Variants in PLEKHA2 observed in about 807,000 individuals in gnomAD.
PLEKHA2 encodes pleckstrin homology domain containing A2.
In PLEKHA2, 28 loss-of-function variants were observed where a neutral mutation model predicts 53.2. That is an observed-to-expected ratio of 0.53 (90% CI 0.39 to 0.72). The LOEUF is 0.72. PLEKHA2 is among the 30% of genes least tolerant of loss of function. The pLI, the probability that PLEKHA2 is intolerant of heterozygous loss-of-function variation, is 0.00. For missense variants in PLEKHA2, 426 were observed against 537.9 expected, an observed-to-expected ratio of 0.79 and a Z score of 2.06; for synonymous variants, 193 against 196.4, an observed-to-expected ratio of 0.98 and a Z score of 0.14.
intron 2 of PLEKHA2, among the ~76,000 whole-genome samples, chr8:38,927,688 T>C (rs1165010937): frequency 6.6e-6 from 1 of 152,232 alleles, no homozygotes; most frequent in Non-Finnish European, 1.5e-5. Context: ...ATCCATTTTT[T>C]GAGCCTCCTG....
intron 10 of PLEKHA2, among the ~76,000 whole-genome samples, chr8:38,965,735 G>A (rs1316110065): frequency 6.6e-6 from 1 of 152,096 alleles, no homozygotes; most frequent in Non-Finnish European, 1.5e-5. Flanking sequence ...TTATGGAGAG[G>A]GCAATGCGCT....
At position 38,950,854 on chromosome 8, in the gene PLEKHA2, C is replaced by T; in HGVS notation, c.350C>T (p.Pro117Leu). 1 of 1,613,050 alleles carries T rather than the reference C, an allele frequency of 6.2e-7. No homozygotes were observed. The highest frequency in any genetic ancestry group is 8.5e-7 in the Non-Finnish European group (1 of 1,179,340). The change falls in exon 6 of 12, where the codon CCC (proline) becomes CTC (leucine). Residue 117 changes from proline to leucine, a missense_variant. Physicochemically the swap from Pro to Leu is moderately conservative, Grantham distance 98. Transcript: ENST00000617275. The part of the protein sequence containing the change: ...ALNQASKITV[P>L]KGGGLPMTTE... The stretch of plus-strand genomic sequence containing the variant: ...TGTTGCTGCCGCTCACCCCAGGTTC[C>T]CAAAGGTGGGGGCCTACCCATGACC...
chr8:38,943,680 T>G, intron 3 of PLEKHA2, 109 bp from the exon 4 acceptor site: 1 of 780,788 alleles, frequency 1.3e-6, no homozygotes, highest in Non-Finnish European at 2.0e-6. Context: ...TTTTTAAAAA[T>G]GTAGACATAT....
At chr8:38,917,145 T>C (rs1337281608) in intron 1 of PLEKHA2, among the ~76,000 whole-genome samples, 3 of 152,344 alleles carry the variant, frequency 2.0e-5, no homozygotes, top group Non-Finnish European at 4.4e-5. Flanking sequence ...CCTATAAAGT[T>C]GTTTGAGCTC....
chr8:38,932,554 C>T (rs1834413436), intron 2 of PLEKHA2, among the ~76,000 whole-genome samples: 1 of 152,162 alleles, frequency 6.6e-6, no homozygotes, highest in East Asian at 1.9e-4. Context: ...GTTTCTTGGC[C>T]TTCCTGCCCT....
Position 38,922,404 on chromosome 8 carries a change from A to C in PLEKHA2, c.141+4334A>C, listed in dbSNP as rs1040346220. 5.3e-5 allele frequency among the ~76,000 whole-genome samples: 8 copies of C among 152,210 alleles called. No homozygotes were observed. Among genetic ancestry groups the C allele is most frequent in the Admixed American group, 2.0e-4 (3 of 15,282 alleles). On this transcript the variant is annotated intron_variant, in intron 2 of 11. Transcript: ENST00000617275. The surrounding 1 kb of genome is among the most constrained non-coding windows in gnomAD (Gnocchi z 4.0). ...GAAGGAAGTGGTCAGAAGTCAGGTCACTGGGGAATGTGGAGTGCCCAACAT... is the reference window on the plus strand; with the variant it reads ...GAAGGAAGTGGTCAGAAGTCAGGTCCCTGGGGAATGTGGAGTGCCCAACAT...
rs1834213588 is a variant in PLEKHA2, at chr8:38,922,638, A to G, written c.141+4568A>G. ...TAATAAGCAGAAGATTTTTGGACCC[A>G]GGTCTCCGATCTTTGTGTGTTGAAG... is the stretch of plus-strand genomic sequence containing the variant. On this transcript the variant is annotated intron_variant, in intron 2 of 11. Transcript: ENST00000617275. This position sits in a 1 kb window ranked among gnomAD's most constrained non-coding sequence, Gnocchi z 4.0. Among the ~76,000 whole-genome samples the G allele has an allele frequency of 6.6e-6, 1 of 152,220 alleles. No homozygotes were observed. Among genetic ancestry groups the G allele is most frequent in the Non-Finnish European group, 1.5e-5 (1 of 68,042 alleles).
At chr8:38,914,773 G>A (rs1243713020) in intron 1 of PLEKHA2, among the ~76,000 whole-genome samples, 2 of 152,166 alleles carry the variant, frequency 1.3e-5, no homozygotes, top group Non-Finnish European at 2.9e-5. Flanking sequence ...TAGAGCTCTC[G>A]CCCTTCCCTT....
intron 1 of PLEKHA2, among the ~76,000 whole-genome samples, chr8:38,902,529 A>G (rs62503457): frequency 0.16 from 23,692 of 152,182 alleles, 2,218 homozygotes; most frequent in South Asian, 0.24. Flanking sequence ...CCAGAAAGCC[A>G]GCTGTGGCTC....
intron 2 of PLEKHA2, among the ~76,000 whole-genome samples, chr8:38,927,074 G>A (rs374345408): frequency 4.1e-4 from 62 of 152,354 alleles, no homozygotes; most frequent in South Asian, 6.2e-4. Context: ...CAAAACCATA[G>A]TGATGACTAT....
chr8:38,943,883 A>G, intron 4 of PLEKHA2, 46 bp downstream of exon 4: 3 of 1,478,272 alleles, frequency 2.0e-6, no homozygotes, highest in Non-Finnish European at 2.8e-6. Context: ...TTGACATGGC[A>G]ACTTCCTCTT....
At chr8:38,961,458 A>T (rs1287147422) in intron 10 of PLEKHA2, among the ~76,000 whole-genome samples, 2 of 151,900 alleles carry the variant, frequency 1.3e-5, no homozygotes, top group East Asian at 3.9e-4. Flanking sequence ...AATCTCTTGA[A>T]CCCAGGGGGC....
At chr8:38,954,111 G>A (rs73615998) in intron 9 of PLEKHA2, among the ~76,000 whole-genome samples, 1 of 152,200 alleles carries the variant, frequency 6.6e-6, no homozygotes, top group Non-Finnish European at 1.5e-5. Context: ...GTGTCCCTCC[G>A]TCTCATGGCT....
chr8:38,948,085 CAA>C (rs386412587), intron 5 of PLEKHA2, among the ~76,000 whole-genome samples: 46 of 119,026 alleles, frequency 3.9e-4, no homozygotes, highest in Middle Eastern at 4.6e-3. Flanking sequence ...GACTCCATCT[CAA>C]AAAAAAAAAA....
At chr8:38,955,093 A>G (rs1293382039) in intron 9 of PLEKHA2, among the ~76,000 whole-genome samples, 1 of 152,174 alleles carries the variant, frequency 6.6e-6, no homozygotes, top group Admixed American at 6.5e-5. Flanking sequence ...TTGGGGGAAC[A>G]GGTGGTGTTT....
At chr8:38,950,137 G>T (rs1472963933) in intron 5 of PLEKHA2, among the ~76,000 whole-genome samples, 2 of 152,114 alleles carry the variant, frequency 1.3e-5, no homozygotes, top group Non-Finnish European at 2.9e-5. Context: ...CAATTCCTGG[G>T]CTCAAGAGAT....
chr8:38,928,542 C>A (rs376535904), intron 2 of PLEKHA2, among the ~76,000 whole-genome samples: 1 of 151,770 alleles, frequency 6.6e-6, no homozygotes, highest in South Asian at 2.1e-4. Flanking sequence ...AATCACCGCG[C>A]CCGGCCCGAC....
intron 2 of PLEKHA2, among the ~76,000 whole-genome samples, chr8:38,929,731 C>T (rs1834354289): frequency 6.6e-6 from 1 of 152,156 alleles, no homozygotes; most frequent in Non-Finnish European, 1.5e-5. Context: ...GCCAAAGCAC[C>T]AGATTGATGT....
chr8:38,934,533 T>G (rs1834456132), intron 2 of PLEKHA2, among the ~76,000 whole-genome samples: 1 of 151,894 alleles, frequency 6.6e-6, no homozygotes, highest in South Asian at 2.1e-4. Flanking sequence ...ATGGACAGAG[T>G]CTCAGATTCA....
Sources: gnomAD v4.1 joint callset for allele counts (sites outside exome capture counted in the v4.1 genomes callset) on GRCh38, gnomAD v4.1.1 for gene constraint, Gnocchi (gnomAD v3.1) non-coding constraint, MANE v1.5 for transcripts, NCBI Gene and HGNC (gene_info 2026-07-23, HGNC 2026-07-21) for gene names.